The following FBXW7 variants were observed in gnomAD, a reference collection of about 807,000 sequenced individuals.
FBXW7 encodes the protein F-box/WD repeat-containing protein 7.
A neutral mutation model predicts 86.3 loss-of-function variants in FBXW7; 11 were observed. That is an observed-to-expected ratio of 0.13 (90% CI 0.08 to 0.21). FBXW7 has a LOEUF of 0.21. Among genes scored for constraint, FBXW7 ranks in the 10% least tolerant of loss-of-function variants. The pLI, the probability that FBXW7 is intolerant of heterozygous loss-of-function variation, is 1.00. For missense variants in FBXW7, 488 were observed against 847.4 expected (o/e 0.58, Z 5.27); for synonymous variants, 313 against 297.9 (o/e 1.05, Z -0.52).
At chr4:152,342,573 C>CT (rs1375626632) in intron 6 of FBXW7, among the ~76,000 whole-genome samples, 1 of 151,850 alleles carries the variant, frequency 6.6e-6, no homozygotes, top group Non-Finnish European at 1.5e-5. Flanking sequence ...ATTAGATAGA[C>CT]TGTTTTATGA....
intron 4 of FBXW7, among the ~76,000 whole-genome samples, chr4:152,351,558 T>C (rs1286645970): frequency 6.6e-6 from 1 of 152,104 alleles, no homozygotes; most frequent in Non-Finnish European, 1.5e-5. Context: ...CTGAAGTATA[T>C]AGGTAGCCAC....
chr4:152,533,314 C>T (rs111858995), intron 2 of FBXW7, among the ~76,000 whole-genome samples: 2,091 of 152,212 alleles, frequency 0.014, 13 homozygotes, highest in Non-Finnish European at 0.023. Flanking sequence ...CTTAGTTTGT[C>T]CTCCCCTCCT....
chr4:152,398,181 C>T (rs1270422501), intron 4 of FBXW7, among the ~76,000 whole-genome samples: 4 of 151,706 alleles, frequency 2.6e-5, no homozygotes, highest in African/African-American at 9.7e-5. Context: ...TACTAAAACA[C>T]AAAGTAGGAG....
chr4:152,475,340 C>G (rs1300072632), intron 2 of FBXW7, among the ~76,000 whole-genome samples: 2 of 151,906 alleles, frequency 1.3e-5, no homozygotes, highest in Non-Finnish European at 2.9e-5. Context: ...GGCAGGAAGA[C>G]CACTTGGGCC....
chr4:152,343,099 G>C (rs1180723752), intron 6 of FBXW7, among the ~76,000 whole-genome samples: 1 of 152,086 alleles, frequency 6.6e-6, no homozygotes, highest in Non-Finnish European at 1.5e-5. Flanking sequence ...TTCCAATGGA[G>C]AAGTTTTTTC....
intron 4 of FBXW7, chr4:152,352,398 G>A: frequency 1.3e-6 from 2 of 1,586,432 alleles, no homozygotes; most frequent in African/African-American, 2.7e-5. Context: ...CATCTCTGAT[G>A]ATACAGATTT....
intron 2 of FBXW7, among the ~76,000 whole-genome samples, chr4:152,462,142 C>G (rs1442171327): frequency 6.6e-6 from 1 of 152,156 alleles, no homozygotes; most frequent in African/African-American, 2.4e-5. Flanking sequence ...CCTGGGTAGT[C>G]TGGTGGTCAG....
chr4:152,455,206 T>C (rs1429444591), intron 2 of FBXW7, among the ~76,000 whole-genome samples: 5 of 152,202 alleles, frequency 3.3e-5, no homozygotes, highest in African/African-American at 1.2e-4. Context: ...TTATAACAAG[T>C]ACAGAACAGA....
At chr4:152,419,009 A>T (rs965115331) in intron 2 of FBXW7, among the ~76,000 whole-genome samples, 1 of 152,170 alleles carries the variant, frequency 6.6e-6, no homozygotes, top group East Asian at 1.9e-4. Context: ...ACAAGAAGTA[A>T]TCTAACTAGC....
rs191248953 is a variant in FBXW7, at chr4:152,417,128, C to G, written c.-119-4599G>C. ...GAAAGTCAGGGTTCCAACTATCACA[C>G]AGAAGCTAATGACTCCCCATACTAT... On this transcript the variant is annotated intron_variant, in intron 2 of 13. Coordinates refer to ENST00000281708, the MANE Select transcript of FBXW7 (RefSeq NM_001349798.2). Among the ~76,000 whole-genome samples, 62 of 152,234 alleles carry G rather than the reference C, an allele frequency of 4.1e-4. 1 individual carries two copies. Among genetic ancestry groups the G allele is most frequent in the Admixed American group, 3.3e-3 (51 of 15,276 alleles).
At chr4:152,438,802 T>C (rs1740615844) in intron 2 of FBXW7, among the ~76,000 whole-genome samples, 1 of 152,214 alleles carries the variant, frequency 6.6e-6, no homozygotes, top group East Asian at 1.9e-4. Flanking sequence ...CGTGGACTTA[T>C]TTAACAGCAC....
In FBXW7 at chr4:152,535,311, G is replaced by A. The variant is rs1405502265; in HGVS notation, c.-397C>T. ...CGCCGCCCTCGGGACTGGGGCGGGG[G>A]AGGGGGGCTCTAGGAACTCCTCCCG... On this transcript the variant is annotated 5_prime_UTR_variant, in exon 1 of 14. Transcript: ENST00000281708. 2.2e-5 allele frequency: 7 copies of A among 318,076 alleles called. No individual in the cohort carries two copies. The highest frequency in any genetic ancestry group is 3.2e-4 in the South Asian group (2 of 6,328). 19.7% of individuals were successfully genotyped at this position (318,076 alleles called of 1,614,324 possible).
intron 2 of FBXW7, among the ~76,000 whole-genome samples, chr4:152,498,220 T>C (rs905385181): frequency 2.0e-5 from 3 of 151,984 alleles, no homozygotes; most frequent in African/African-American, 7.3e-5. Flanking sequence ...ATAGTAAGCT[T>C]AGTGAAAAGA....
intron 2 of FBXW7, among the ~76,000 whole-genome samples, chr4:152,530,055 C>CA (rs576815451): frequency 0.043 from 3,590 of 82,786 alleles, 77 homozygotes; most frequent in Middle Eastern, 0.078. Flanking sequence ...GACCCCGTCA[C>CA]AAAAAAAAAA....
At chr4:152,531,771 G>A (rs1750043452) in intron 2 of FBXW7, among the ~76,000 whole-genome samples, 2 of 151,288 alleles carry the variant, frequency 1.3e-5, no homozygotes, top group African/African-American at 2.4e-5. Flanking sequence ...TGAATTTGAG[G>A]AAACAAATCT....
Position 152,511,344 on chromosome 4 carries a change from T to C in FBXW7, c.-120+23597A>G, listed in dbSNP as rs536249877. Reference sequence around the variant, plus strand: ...CAGTCCTCTGTGGAGTGCATGACCATGGACAATTACTTAAAAGTTCTAATC... The same window carrying C: ...CAGTCCTCTGTGGAGTGCATGACCACGGACAATTACTTAAAAGTTCTAATC... On this transcript the variant is annotated intron_variant, in intron 2 of 13. Transcript: ENST00000281708. Among the ~76,000 whole-genome samples, 8 of 128,444 alleles carry C rather than the reference T, an allele frequency of 6.2e-5. No individual in the cohort carries two copies. The East Asian group carries it at 8.1e-4, about 13-fold the overall frequency. The allele number at this position is 128,444 out of a possible 152,430, so 84.3% of individuals were successfully genotyped here. A position where few individuals can be genotyped will look rare whatever the true frequency, so the allele number is the denominator to read the frequency against.
At chr4:152,511,577 T>C (rs1747981326) in intron 2 of FBXW7, among the ~76,000 whole-genome samples, 2 of 152,194 alleles carry the variant, frequency 1.3e-5, no homozygotes, top group South Asian at 4.1e-4. Flanking sequence ...TACAAACTTA[T>C]TCACTGTAGT....
chr4:152,466,003 A>T (rs185661918), intron 2 of FBXW7, among the ~76,000 whole-genome samples: 1 of 152,212 alleles, frequency 6.6e-6, no homozygotes, highest in Admixed American at 6.5e-5. Context: ...AAGTTGACAA[A>T]GAATACTGTC....
intron 9 of FBXW7, among the ~76,000 whole-genome samples, chr4:152,330,086 CAGA>C (rs1339974389): frequency 6.6e-6 from 1 of 151,622 alleles, no homozygotes; most frequent in Admixed American, 6.6e-5. Flanking sequence ...CTGTTCAAAC[CAGA>C]AGAATATGCC....
Sources: gnomAD v4.1 joint callset for allele counts (sites outside exome capture counted in the v4.1 genomes callset) on GRCh38, gnomAD v4.1.1 for gene constraint, MANE v1.5 for transcripts, NCBI Gene and HGNC (gene_info 2026-07-23, HGNC 2026-07-21) for gene names.